CNTNAP2: variants seen among roughly 807,000 people sequenced by gnomAD.
CNTNAP2 encodes the protein contactin associated protein 2.
Under a neutral mutation model 155.2 loss-of-function variants are expected in CNTNAP2, and 98 were observed. That is an observed-to-expected ratio of 0.63 (90% CI 0.54 to 0.75). The LOEUF (loss-of-function observed/expected upper bound fraction) is 0.75, where lower values mean the gene tolerates loss of function less well. Ranked by LOEUF, CNTNAP2 falls within the 30% of genes least tolerant of loss-of-function variation. The probability of loss-of-function intolerance (pLI) is 0.00; values close to 1 mark genes in which losing one functional copy is unlikely to be tolerated. For missense variants in CNTNAP2, 1,727 were observed against 1,688.1 expected (o/e 1.02, Z -0.40); for synonymous variants, 651 against 631.2 (o/e 1.03, Z -0.47).
rs571906117 is a variant in CNTNAP2 at position 147,676,485 on chromosome 7, T to C, written c.2098+37179T>C. On this transcript the variant is annotated intron_variant, in intron 13 of 23. Coordinates refer to ENST00000361727, the MANE Select transcript of CNTNAP2 (RefSeq NM_014141.6). ...TGACTAGGTCTAGGTAACTAACATA[T>C]GCACTGCCTCGTATAGTTATCATTT... Among the ~76,000 whole-genome samples the C allele has an allele frequency of 1.7e-4, 26 of 152,028 alleles. 1 individual carries two copies. Among genetic ancestry groups the C allele is most frequent in the Admixed American group, 2.6e-4 (4 of 15,238 alleles).
chr7:148,370,743 C>G (rs1798872714), intron 21 of CNTNAP2, among the ~76,000 whole-genome samples: 1 of 152,172 alleles, frequency 6.6e-6, no homozygotes. Context: ...TTTCTCCACA[C>G]CTACCCTGGC....
intron 1 of CNTNAP2, among the ~76,000 whole-genome samples, chr7:146,155,933 G>T (rs1280593167): frequency 6.6e-6 from 1 of 151,728 alleles, no homozygotes; most frequent in Non-Finnish European, 1.5e-5. Context: ...CAAACTCCTG[G>T]CCTCAGGTGA....
At position 148,383,749 on chromosome 7, in the gene CNTNAP2, C is replaced by T. The variant is rs764089965; in HGVS notation, c.3576C>T (p.Ala1192=). 1.0e-4 allele frequency: 165 copies of T among 1,614,064 alleles called. No individual in the cohort carries two copies. The East Asian group carries it at 3.3e-3, about 32-fold the overall frequency. Residue 1192 remains alanine (A), a synonymous_variant, in exon 22 of 24, where the codon GCC becomes GCT. Coordinates refer to ENST00000361727, the MANE Select transcript of CNTNAP2 (RefSeq NM_014141.6). The part of the protein sequence containing the change: ...VQFNQIAPLK[A]ALRQTNASAH... ...TCAACCAGATCGCCCCTCTCAAGGC[C>T]GCCTTGAGGCAGACAAACGCCTCGG...
chr7:148,111,275 G>A (rs1018593095), intron 15 of CNTNAP2, among the ~76,000 whole-genome samples: 24 of 152,102 alleles, frequency 1.6e-4, no homozygotes, highest in African/African-American at 4.1e-4. Context: ...AAACAGAGGC[G>A]ACAGAGAAAG....
intron 11 of CNTNAP2, among the ~76,000 whole-genome samples, chr7:147,560,329 C>T (rs559376540): frequency 1.3e-5 from 2 of 152,128 alleles, no homozygotes; most frequent in Non-Finnish European, 2.9e-5. Flanking sequence ...AAACCTATTG[C>T]ATTGCTGCAC....
At chr7:147,808,143 C>G (rs1048045199) in intron 13 of CNTNAP2, among the ~76,000 whole-genome samples, 1 of 152,144 alleles carries the variant, frequency 6.6e-6, no homozygotes, top group Non-Finnish European at 1.5e-5. Flanking sequence ...TATATGAAGT[C>G]CCATTGTCCT....
At chr7:147,532,132 C>T (rs1398890062) in intron 11 of CNTNAP2, among the ~76,000 whole-genome samples, 1 of 152,098 alleles carries the variant, frequency 6.6e-6, no homozygotes, top group Non-Finnish European at 1.5e-5. Context: ...ATCACATAGT[C>T]AGGCTGCAAA....
At chr7:146,312,617 C>T (rs912512516) in intron 1 of CNTNAP2, among the ~76,000 whole-genome samples, 4 of 152,120 alleles carry the variant, frequency 2.6e-5, no homozygotes, top group African/African-American at 7.2e-5. Flanking sequence ...CTGAAATATA[C>T]ATTATTATTA....
At chr7:147,506,123 G>A (rs1326976347) in intron 11 of CNTNAP2, among the ~76,000 whole-genome samples, 1 of 152,158 alleles carries the variant, frequency 6.6e-6, no homozygotes, top group Non-Finnish European at 1.5e-5. Flanking sequence ...AAATGATTAA[G>A]GACTACTAGC....
chr7:146,720,970 T>C (rs1801281207), intron 1 of CNTNAP2, among the ~76,000 whole-genome samples: 1 of 121,528 alleles, frequency 8.2e-6, no homozygotes, highest in African/African-American at 4.3e-5. Context: ...ATACAGTATA[T>C]ATATAGACTA....
rs560912527 is a variant in CNTNAP2 at position 147,489,925 on chromosome 7, A to G, written c.1777+3884A>G. ...CCACCATGCCTGGCCAAACATTCTT[A>G]TATATACTACTAGTTCCTTGTGTGG... On this transcript the variant is annotated intron_variant, in intron 11 of 23. Coordinates refer to ENST00000361727, the MANE Select transcript of CNTNAP2 (RefSeq NM_014141.6). Among the ~76,000 whole-genome samples the G allele has an allele frequency of 1.8e-3, 280 of 152,290 alleles. 1 individual carries two copies. The highest frequency in any genetic ancestry group is 6.4e-3 in the African/African-American group (268 of 41,552).
chr7:146,644,783 A>T (rs1164120342), intron 1 of CNTNAP2, among the ~76,000 whole-genome samples: 2 of 152,166 alleles, frequency 1.3e-5, no homozygotes, highest in Non-Finnish European at 2.9e-5. Context: ...TAAACCAGGA[A>T]GAAGTTGACT....
At chr7:146,705,917 A>AT (rs1189706880) in intron 1 of CNTNAP2, among the ~76,000 whole-genome samples, 1 of 152,094 alleles carries the variant, frequency 6.6e-6, no homozygotes, top group African/African-American at 2.4e-5. Context: ...TAGGATTAGG[A>AT]TTTTAGGTTA....
chr7:146,163,121 C>T (rs889543470), intron 1 of CNTNAP2, among the ~76,000 whole-genome samples: 22 of 151,916 alleles, frequency 1.4e-4, no homozygotes, highest in African/African-American at 4.3e-4. Context: ...CAAACCTGCA[C>T]GTTGTGCACA....
At chr7:146,560,199 T>C (rs979515084) in intron 1 of CNTNAP2, among the ~76,000 whole-genome samples, 2 of 152,098 alleles carry the variant, frequency 1.3e-5, no homozygotes, top group Admixed American at 1.3e-4. Flanking sequence ...CAAGTCAAGG[T>C]GCAGGCAGGT....
At chr7:147,661,529 T>C (rs1019367157) in intron 13 of CNTNAP2, among the ~76,000 whole-genome samples, 1 of 151,524 alleles carries the variant, frequency 6.6e-6, no homozygotes, top group Non-Finnish European at 1.5e-5. Context: ...TTCAGCTCTT[T>C]TCTCTGCTAA....
intron 19 of CNTNAP2, among the ~76,000 whole-genome samples, chr7:148,219,737 G>C (rs897032400): frequency 6.6e-6 from 1 of 152,146 alleles, no homozygotes; most frequent in African/African-American, 2.4e-5. Flanking sequence ...AGAAGGCTGA[G>C]GGGGGAGGAT....
intron 1 of CNTNAP2, among the ~76,000 whole-genome samples, chr7:146,164,343 A>G (rs1798279008): frequency 6.6e-6 from 1 of 152,196 alleles, no homozygotes; most frequent in Non-Finnish European, 1.5e-5. Flanking sequence ...GTTGATCCTG[A>G]AGAGATGAAT....
chr7:146,322,024 T>C (rs1303521931), intron 1 of CNTNAP2, among the ~76,000 whole-genome samples: 1 of 152,176 alleles, frequency 6.6e-6, no homozygotes, highest in African/African-American at 2.4e-5. Flanking sequence ...GTACAGGTCA[T>C]GGACCTTGGA....
Sources: gnomAD v4.1 joint callset for allele counts (sites outside exome capture counted in the v4.1 genomes callset) on GRCh38, gnomAD v4.1.1 for gene constraint, MANE v1.5 for transcripts, NCBI Gene and HGNC (gene_info 2026-07-23, HGNC 2026-07-21) for gene names.